The following PASK variants were observed in gnomAD, a reference collection of about 807,000 sequenced individuals.
PASK encodes the protein PAS domain containing serine/threonine kinase.
A neutral mutation model predicts 121.0 loss-of-function variants in PASK; 110 were observed. That is an observed-to-expected ratio of 0.91 (90% CI 0.78 to 1.06). PASK has a LOEUF of 1.06. PASK is among the 50% of genes least tolerant of loss of function. The pLI, the probability that PASK is intolerant of heterozygous loss-of-function variation, is 0.00. For synonymous variants in PASK, 686 were observed against 717.8 expected, an observed-to-expected ratio of 0.96 and a Z score of 0.71; for missense variants, 1,643 against 1,702.3, an observed-to-expected ratio of 0.97 and a Z score of 0.61.
intron 1 of PASK, chr2:241,145,669 G>C (rs1431069042): frequency 6.6e-6 from 1 of 151,458 alleles, no homozygotes; most frequent in Non-Finnish European, 1.5e-5. Flanking sequence ...GAGGTCAAGA[G>C]ATCAAGACCA....
At chr2:241,146,422 C>A (rs908018386) in intron 1 of PASK, among the ~76,000 whole-genome samples, 3 of 151,362 alleles carry the variant, frequency 2.0e-5, no homozygotes, top group Non-Finnish European at 2.9e-5. Context: ...TTCTCAATGG[C>A]AAAGAGACAG....
chr2:241,127,678 A>G, intron 9 of PASK: 1 of 560,900 alleles, frequency 1.8e-6, no homozygotes, highest in Non-Finnish European at 3.2e-6. Context: ...TGCTACCAAA[A>G]GCCCAACAGT....
intron 9 of PASK, 133 bp from the exon 10 acceptor site, chr2:241,127,584 T>C (rs1247116224): frequency 1.5e-5 from 11 of 749,206 alleles, no homozygotes; most frequent in Non-Finnish European, 2.6e-5. Flanking sequence ...AAAGACCAAA[T>C]TTTGTGACCA....
rs2064924281 is a variant in PASK at position 241,107,249 on chromosome 2, G to A, written c.3814+104C>T. On this transcript the variant is annotated intron_variant, in intron 17 of 17. Coordinates refer to ENST00000234040, the MANE Select transcript of PASK (RefSeq NM_015148.4). The stretch of plus-strand genomic sequence containing the variant: ...GACATTTGTGTCCAAGACAGCATGG[G>A]GGAGAGAGCCTCCTTTTCCTCCTTT... The A allele has an allele frequency of 3.0e-6, 3 of 993,126 alleles. No individual in the cohort carries two copies. In the East Asian group the frequency reaches 7.2e-5, roughly 24 times the overall value. The allele number at this position is 993,126 out of a possible 1,614,324, so 61.5% of individuals were successfully genotyped here.
chr2:241,131,973 G>C (rs1575304854), intron 9 of PASK, among the ~76,000 whole-genome samples: 1 of 146,546 alleles, frequency 6.8e-6, no homozygotes, highest in Middle Eastern at 3.5e-3. Context: ...AGAATCACTT[G>C]AACCAGGGGG....
At position 241,112,317 on chromosome 2, in the gene PASK, G is replaced by A. The variant is rs2065143327; in HGVS notation, c.3456C>T (p.Tyr1152=). ...TATAAAATAATTTTCCCCTTTCCAA[G>A]TAGGCGGCCGAGCCAAAGTCTATCA... ...IKLIDFGSAA[Y]LERGKLFYTF... is the part of the protein sequence containing the mutation. The change falls in exon 15 of 18, where the codon TAC becomes TAT. Residue 1152 remains tyrosine (Y), a synonymous_variant. Transcript: ENST00000234040. The surrounding 1 kb of genome is among the most constrained non-coding windows in gnomAD (Gnocchi z 5.2). 1.2e-6 allele frequency: 2 copies of A among 1,613,698 alleles called. No homozygotes were observed. Among genetic ancestry groups the A allele is most frequent in the Middle Eastern group, 1.7e-4 (1 of 6,056 alleles).
intron 2 of PASK, 68 bp from the exon 3 acceptor site, chr2:241,140,821 C>T: frequency 1.0e-6 from 1 of 1,002,330 alleles, no homozygotes. Flanking sequence ...CTGAAACAGG[C>T]AAAGCACACA....
In PASK at chr2:241,137,130, T is replaced by C. The variant is rs1260228877; in HGVS notation, c.1011A>G (p.Ala337=). ...GEAAPVSGYR[A]SVWVFCTISG... ...TGATGGTGCAGAACACCCAGACAGA[T>C]GCCCGGTAGCCGCTCACAGGGGCCG... is the stretch of plus-strand genomic sequence containing the variant. The change falls in exon 7 of 18, where the codon GCA becomes GCG. Residue 337 remains alanine (A), a synonymous_variant. Coordinates refer to ENST00000234040, the MANE Select transcript of PASK (RefSeq NM_015148.4). The C allele has an allele frequency of 1.9e-5, 31 of 1,613,608 alleles. No homozygotes were observed. Among genetic ancestry groups the C allele is most frequent in the Non-Finnish European group, 2.5e-5 (30 of 1,179,956 alleles).
chr2:241,131,762 G>A (rs983496315), intron 9 of PASK, among the ~76,000 whole-genome samples: 1 of 152,100 alleles, frequency 6.6e-6, no homozygotes, highest in African/African-American at 2.4e-5. Context: ...CTGTGCATAA[G>A]AAAAGATTCT....
upstream of PASK, chr2:241,149,824 C>G (rs1056210317): frequency 1.3e-6 from 2 of 1,526,274 alleles, no homozygotes; most frequent in South Asian, 2.4e-5. Context: ...AGCGTCCGCA[C>G]TGGGCTGGGA....
chr2:241,130,208 G>T (rs991924331), intron 9 of PASK, among the ~76,000 whole-genome samples: 1 of 152,204 alleles, frequency 6.6e-6, no homozygotes, highest in Non-Finnish European at 1.5e-5. Context: ...TTGAATAAGC[G>T]AACGAGTGAG....
At chr2:241,132,183 C>G (rs983465562) in intron 9 of PASK, among the ~76,000 whole-genome samples, 2 of 151,886 alleles carry the variant, frequency 1.3e-5, no homozygotes, top group Non-Finnish European at 1.5e-5. Context: ...TCCTAATTCT[C>G]TAATATAAAC....
At position 241,123,193 on chromosome 2, in the gene PASK, T is replaced by C. The variant is rs1412147262; in HGVS notation, c.2905-294A>G. Among the ~76,000 whole-genome samples, 369 of 134,924 alleles carry C rather than the reference T, an allele frequency of 2.7e-3. 3 individuals carry two copies. Among genetic ancestry groups the C allele is most frequent in the African/African-American group, 0.011 (342 of 32,328 alleles). 88.5% of individuals were successfully genotyped at this position (134,924 alleles called of 152,430 possible). A position where few individuals can be genotyped will look rare whatever the true frequency, so the allele number is the denominator to read the frequency against. On this transcript the variant is annotated intron_variant, in intron 11 of 17. Coordinates refer to ENST00000234040, the MANE Select transcript of PASK (RefSeq NM_015148.4). ...TGGCTTCTTTTTTTTTTTTTTTTTTTTAGACGGAGTCTGGCTCTGTCGCCC... is the reference window on the plus strand; with the variant it reads ...TGGCTTCTTTTTTTTTTTTTTTTTTCTAGACGGAGTCTGGCTCTGTCGCCC...
chr2:241,150,176 C>T (rs1020052054), upstream of PASK: 46 of 1,277,006 alleles, frequency 3.6e-5, no homozygotes, highest in Admixed American at 2.7e-4. Flanking sequence ...GGCGTCTCTC[C>T]ACTCTGCCTA....
chr2:241,147,803 G>C (rs768727716), intron 1 of PASK, among the ~76,000 whole-genome samples: 21 of 152,184 alleles, frequency 1.4e-4, no homozygotes, highest in Non-Finnish European at 2.1e-4. Flanking sequence ...TAAAGTTGTG[G>C]AAGTTTAATT....
chr2:241,134,987 A>G (rs4258787), intron 8 of PASK, among the ~76,000 whole-genome samples: 74,584 of 152,072 alleles, frequency 0.49, 18,982 homozygotes, highest in East Asian at 0.89. Context: ...GTCAACAAGA[A>G]TGAGCACTGT....
intron 15 of PASK, among the ~76,000 whole-genome samples, chr2:241,111,370 C>T (rs565948940): frequency 3.5e-4 from 53 of 152,306 alleles, no homozygotes; most frequent in Non-Finnish European, 4.6e-4. Flanking sequence ...TGTGATCATC[C>T]GACTCTCTAA....
chr2:241,142,805 C>T lies in PASK; in HGVS notation c.196+32G>A, dbSNP rs774833259. 1.9e-5 allele frequency: 28 copies of T among 1,488,864 alleles called. 1 individual carries two copies. Among genetic ancestry groups the T allele is most frequent in the Admixed American group, 8.4e-5 (5 of 59,770 alleles). 92.2% of individuals were successfully genotyped at this position (1,488,864 alleles called of 1,614,324 possible). A position where few individuals can be genotyped will look rare whatever the true frequency, so the allele number is the denominator to read the frequency against. Reference sequence around the variant, plus strand: ...GCAACTCCACATTTGTATTTCCACGCGCTAAGGCCTGCAGTGGTCGAAGGT... The same window carrying T: ...GCAACTCCACATTTGTATTTCCACGTGCTAAGGCCTGCAGTGGTCGAAGGT... On this transcript the variant is annotated intron_variant, in intron 2 of 17. Coordinates refer to ENST00000234040, the MANE Select transcript of PASK (RefSeq NM_015148.4).
intron 8 of PASK, chr2:241,133,599 AG>A (rs1429793426): frequency 5.1e-6 from 1 of 195,504 alleles, no homozygotes; most frequent in African/African-American, 2.3e-5. Flanking sequence ...CCGTGAGCGC[AG>A]GGGCATCTGC....
Sources: gnomAD v4.1 joint callset for allele counts (sites outside exome capture counted in the v4.1 genomes callset) on GRCh38, gnomAD v4.1.1 for gene constraint, Gnocchi (gnomAD v3.1) non-coding constraint, MANE v1.5 for transcripts, NCBI Gene and HGNC (gene_info 2026-07-23, HGNC 2026-07-21) for gene names.